Variants in RANBP2 observed in about 807,000 individuals in gnomAD.
The protein encoded by RANBP2 is RAN binding protein 2.
Under a neutral mutation model 303.6 loss-of-function variants are expected in RANBP2, and 57 were observed. The ratio of observed to expected loss-of-function variants is 0.19; its 90% CI spans 0.15 to 0.23. RANBP2 has a LOEUF of 0.23. RANBP2 is among the 10% of genes least tolerant of loss of function. The pLI is 1.00. For missense variants in RANBP2, 3,138 were observed against 3,780.8 expected (o/e 0.83, Z 4.46); for synonymous variants, 1,167 against 1,301.5 (o/e 0.90, Z 2.23).
the RANBP2 span, among the ~76,000 whole-genome samples, chr2:109,581,598 G>A: frequency 6.6e-6 from 1 of 151,640 alleles, no homozygotes; most frequent in Non-Finnish European, 1.5e-5. Context: ...ACACGGGAAT[G>A]GCTAAAGTGC....
chr2:109,674,805 T>G, the RANBP2 span, among the ~76,000 whole-genome samples: 7 of 152,324 alleles, frequency 4.6e-5, no homozygotes, highest in East Asian at 1.4e-3. Flanking sequence ...AGCTTTCTCC[T>G]GTCAAGATTT....
the RANBP2 span, among the ~76,000 whole-genome samples, chr2:109,539,800 A>G: frequency 4.8e-4 from 73 of 152,278 alleles, no homozygotes; most frequent in African/African-American, 1.7e-3. Flanking sequence ...AAATGAAATC[A>G]TGCTGTATGT....
chr2:108,876,405 G>T, the RANBP2 span: 1 of 473,204 alleles, frequency 2.1e-6, no homozygotes. Context: ...AATGAAATCT[G>T]TAGAAGGTAT....
chr2:109,147,246 T>G, the RANBP2 span, among the ~76,000 whole-genome samples: 5 of 151,964 alleles, frequency 3.3e-5, no homozygotes, highest in Non-Finnish European at 5.9e-5. Flanking sequence ...TGCTGAGAGG[T>G]TTGCTCGAAA....
chr2:109,115,338 G>A, the RANBP2 span, among the ~76,000 whole-genome samples: 6 of 152,110 alleles, frequency 3.9e-5, no homozygotes, highest in African/African-American at 1.4e-4. Context: ...TATATATTTA[G>A]GATAGTTAGC....
the RANBP2 span, among the ~76,000 whole-genome samples, chr2:109,591,668 A>C: frequency 2.0e-5 from 3 of 152,170 alleles, no homozygotes; most frequent in Non-Finnish European, 4.4e-5. Context: ...AGGCGGAGGC[A>C]GATGGATCAC....
chr2:108,880,660 A>G, the RANBP2 span, among the ~76,000 whole-genome samples: 19 of 152,256 alleles, frequency 1.2e-4, no homozygotes, highest in Admixed American at 7.8e-4. Flanking sequence ...TACTCTATAA[A>G]TGGAAGAACA....
At chr2:109,608,984 T>G in the RANBP2 span, among the ~76,000 whole-genome samples, 1 of 152,222 alleles carries the variant, frequency 6.6e-6, no homozygotes, top group Admixed American at 6.5e-5. Context: ...AGGGACTCTA[T>G]CCTGCAGTAG....
At chr2:109,666,142 A>C in the RANBP2 span, among the ~76,000 whole-genome samples, 6 of 152,216 alleles carry the variant, frequency 3.9e-5, no homozygotes, top group African/African-American at 1.2e-4. Flanking sequence ...TAAAAAAAAA[A>C]AAAAAATTAC....
At chr2:109,649,324 G>A in the RANBP2 span, among the ~76,000 whole-genome samples, 1 of 152,026 alleles carries the variant, frequency 6.6e-6, no homozygotes, top group Non-Finnish European at 1.5e-5. Context: ...TCTAATATGA[G>A]GTATGTGTTC....
At chr2:109,621,550 A>G in the RANBP2 span, among the ~76,000 whole-genome samples, 2 of 152,246 alleles carry the variant, frequency 1.3e-5, no homozygotes, top group African/African-American at 2.4e-5. Flanking sequence ...GTTTAGAAAC[A>G]TAATTGAGCA....
the RANBP2 span, among the ~76,000 whole-genome samples, chr2:109,101,293 G>A: frequency 7.9e-5 from 12 of 152,228 alleles, no homozygotes; most frequent in East Asian, 1.2e-3. Context: ...TTGAGAGACC[G>A]AGGCAGGCAG....
chr2:109,614,313 G>A, the RANBP2 span: 1 of 607,604 alleles, frequency 1.6e-6, no homozygotes, highest in Non-Finnish European at 2.3e-6. Context: ...TGCGGGGGGC[G>A]TGTCCGCCCG....
At chr2:109,344,771 G>A in the RANBP2 span, among the ~76,000 whole-genome samples, 4 of 152,148 alleles carry the variant, frequency 2.6e-5, no homozygotes, top group Admixed American at 2.0e-4. Context: ...GATGACTGAA[G>A]GTCCTTGCCG....
At chr2:109,499,247 C>G in the RANBP2 span, among the ~76,000 whole-genome samples, 28 of 152,094 alleles carry the variant, frequency 1.8e-4, no homozygotes, top group Admixed American at 1.6e-3. Flanking sequence ...GAGATGGGTA[C>G]CCGGGCAGTC....
At chr2:109,286,676 G>A in the RANBP2 span, among the ~76,000 whole-genome samples, 7 of 152,140 alleles carry the variant, frequency 4.6e-5, no homozygotes, top group Non-Finnish European at 1.0e-4. Flanking sequence ...CCCCTGTTTG[G>A]CATAGCTCAT....
chr2:109,547,023 A>C, the RANBP2 span, among the ~76,000 whole-genome samples: 9 of 152,162 alleles, frequency 5.9e-5, no homozygotes, highest in Non-Finnish European at 1.3e-4. Flanking sequence ...TAAAGGCAGG[A>C]TACAGATGTA....
the RANBP2 span, among the ~76,000 whole-genome samples, chr2:109,166,938 A>G: frequency 2.0e-5 from 3 of 152,230 alleles, no homozygotes; most frequent in Non-Finnish European, 4.4e-5. Context: ...AACATGATGC[A>G]TCCATAAATC....
the RANBP2 span, among the ~76,000 whole-genome samples, chr2:109,569,738 G>C: frequency 1.3e-5 from 2 of 152,090 alleles, no homozygotes; most frequent in Non-Finnish European, 2.9e-5. Context: ...ATAATTGCTT[G>C]CACAATAAAC....
Sources: gnomAD v4.1 joint callset for allele counts (sites outside exome capture counted in the v4.1 genomes callset) on GRCh38, gnomAD v4.1.1 for gene constraint, MANE v1.5 for transcripts, NCBI Gene and HGNC (gene_info 2026-07-23, HGNC 2026-07-21) for gene names.